Variants in GTF2IRD1 observed in about 807,000 individuals in gnomAD.
GTF2IRD1 encodes the protein general transcription factor II-I repeat domain-containing protein 1.
In GTF2IRD1, 26 loss-of-function variants were observed where a neutral mutation model predicts 113.2. The observed-to-expected ratio is 0.23, with a 90% confidence interval of 0.17 to 0.32. The LOEUF (loss-of-function observed/expected upper bound fraction) is 0.32. Ranked by LOEUF, GTF2IRD1 falls within the 10% of genes least tolerant of loss-of-function variation. The pLI, the probability that GTF2IRD1 is intolerant of heterozygous loss-of-function variation, is 1.00. For missense variants in GTF2IRD1, 864 were observed against 1,280.8 expected (o/e 0.67, Z 4.97); for synonymous variants, 484 against 529.1 (o/e 0.91, Z 1.17).
chr7:74,505,104 C>A (rs569595791), intron 1 of GTF2IRD1, among the ~76,000 whole-genome samples: 1 of 152,212 alleles, frequency 6.6e-6, no homozygotes, highest in Admixed American at 6.5e-5. Context: ...ACTACAGCCT[C>A]GAGCTCCTTG....
chr7:74,485,629 A>AG (rs1379510910), intron 1 of GTF2IRD1, among the ~76,000 whole-genome samples: 1 of 151,148 alleles, frequency 6.6e-6, no homozygotes. Context: ...AGAAAAAAAA[A>AG]AAATAGATGC....
chr7:74,492,164 C>T (rs989344925), intron 1 of GTF2IRD1, among the ~76,000 whole-genome samples: 21 of 150,710 alleles, frequency 1.4e-4, no homozygotes, highest in African/African-American at 3.4e-4. Flanking sequence ...CTACCATTCC[C>T]GGCTAATTTT....
intron 1 of GTF2IRD1, among the ~76,000 whole-genome samples, chr7:74,486,588 T>C (rs1795041078): frequency 6.6e-6 from 1 of 152,138 alleles, no homozygotes; most frequent in African/African-American, 2.4e-5. Context: ...GGATTTTGTG[T>C]TGTGGCCCCT....
chr7:74,480,479 G>A (rs1249725315), intron 1 of GTF2IRD1, among the ~76,000 whole-genome samples: 3 of 152,252 alleles, frequency 2.0e-5, no homozygotes, highest in African/African-American at 7.2e-5. Context: ...CCCTGCTGGA[G>A]AGTCCCCGCC....
chr7:74,470,578 G>T (rs1377360055), intron 1 of GTF2IRD1, among the ~76,000 whole-genome samples: 1 of 152,164 alleles, frequency 6.6e-6, no homozygotes, highest in Non-Finnish European at 1.5e-5. Flanking sequence ...ACCTAAAGAG[G>T]AATATGTATA....
chr7:74,521,732 A>G (rs1018014469), intron 7 of GTF2IRD1, among the ~76,000 whole-genome samples: 1 of 152,212 alleles, frequency 6.6e-6, no homozygotes, highest in Non-Finnish European at 1.5e-5. Flanking sequence ...ACTGCACTCC[A>G]GCCCGGGCAA....
chr7:74,573,056 GC>G (rs1174720203), intron 22 of GTF2IRD1, among the ~76,000 whole-genome samples: 4 of 151,972 alleles, frequency 2.6e-5, no homozygotes, highest in African/African-American at 4.8e-5. Flanking sequence ...ACACCATTCT[GC>G]CCCCCAACCT....
At position 74,508,135 on chromosome 7, in the gene GTF2IRD1, C is replaced by A; in HGVS notation, c.55C>A (p.Arg19Ser). Residue 19 changes from arginine (R) to serine (S), a missense_variant, in exon 2 of 27, where the codon CGC becomes AGC. Physicochemically the swap from Arg to Ser is moderately radical, Grantham distance 110 (BLOSUM62 -1). Transcript: ENST00000424337. The part of the protein sequence containing the change: ...DVPTNGCGPD[R>S]WNSAFTRKDE... ...CCCCACCAACGGCTGCGGACCCGAC[C>A]GCTGGAACTCCGCGTTCACCCGCAA... is the stretch of plus-strand genomic sequence containing the variant. 1 of 1,611,996 alleles carries A rather than the reference C, an allele frequency of 6.2e-7. No individual in the cohort carries two copies. The highest frequency in any genetic ancestry group is 8.5e-7 in the Non-Finnish European group (1 of 1,179,978).
At chr7:74,588,721 G>A (rs1428461409) in intron 22 of GTF2IRD1, among the ~76,000 whole-genome samples, 2 of 151,972 alleles carry the variant, frequency 1.3e-5, no homozygotes, top group African/African-American at 4.8e-5. Context: ...TAGTACAGAC[G>A]GGGTTTCACC....
chr7:74,502,887 C>T (rs1796103059), intron 1 of GTF2IRD1, among the ~76,000 whole-genome samples: 1 of 152,222 alleles, frequency 6.6e-6, no homozygotes, highest in Non-Finnish European at 1.5e-5. Flanking sequence ...GTGTCCAGGG[C>T]TGGGCGCGGT....
chr7:74,478,692 C>G (rs37617), intron 1 of GTF2IRD1, among the ~76,000 whole-genome samples: 125,207 of 151,696 alleles, frequency 0.83, 51,934 homozygotes, highest in African/African-American at 0.9. Flanking sequence ...CTGGCCTCAA[C>G]TGAACCACCC....
intron 1 of GTF2IRD1, among the ~76,000 whole-genome samples, chr7:74,504,712 T>A (rs1380031722): frequency 1.3e-5 from 2 of 149,424 alleles, no homozygotes; most frequent in African/African-American, 2.5e-5. Flanking sequence ...TTACTTTTTT[T>A]TTTTTTTTTT....
At chr7:74,561,723 G>A (rs1275705688) in intron 22 of GTF2IRD1, among the ~76,000 whole-genome samples, 1 of 152,162 alleles carries the variant, frequency 6.6e-6, no homozygotes, top group African/African-American at 2.4e-5. Context: ...CCCTGCACTG[G>A]TGCTTTATGC....
chr7:74,475,731 G>C (rs1361891353), intron 1 of GTF2IRD1, among the ~76,000 whole-genome samples: 2 of 152,212 alleles, frequency 1.3e-5, no homozygotes, highest in Non-Finnish European at 2.9e-5. Context: ...TTCAGAGAAA[G>C]GGCCGGATGT....
intron 11 of GTF2IRD1, 112 bp downstream of exon 11, chr7:74,536,387 G>A (rs1798300129): frequency 9.4e-6 from 6 of 637,544 alleles, no homozygotes; most frequent in East Asian, 2.8e-5. Flanking sequence ...ACCACCCCTC[G>A]AAGGTGCAAA....
intron 22 of GTF2IRD1, among the ~76,000 whole-genome samples, chr7:74,580,971 A>G (rs1221451080): frequency 6.6e-6 from 1 of 152,092 alleles, no homozygotes; most frequent in Non-Finnish European, 1.5e-5. Context: ...TCCTCCCGAG[A>G]ATAGGTTTGC....
chr7:74,536,583 G>A (rs375631078), intron 11 of GTF2IRD1, among the ~76,000 whole-genome samples: 11 of 152,104 alleles, frequency 7.2e-5, no homozygotes, highest in African/African-American at 2.2e-4. Flanking sequence ...CGAGGCGGGC[G>A]GATCTCTTGA....
intron 1 of GTF2IRD1, among the ~76,000 whole-genome samples, chr7:74,486,318 T>C (rs1795024153): frequency 6.6e-6 from 1 of 152,100 alleles, no homozygotes; most frequent in African/African-American, 2.4e-5. Context: ...ACAGGAGGCA[T>C]GGGTGGGTGG....
intron 19 of GTF2IRD1, among the ~76,000 whole-genome samples, chr7:74,557,358 G>A (rs1799663153): frequency 6.6e-6 from 1 of 152,176 alleles, no homozygotes; most frequent in Admixed American, 6.5e-5. Context: ...ACTCTATGGT[G>A]TCCCTCCCCT....
Sources: gnomAD v4.1 joint callset for allele counts (sites outside exome capture counted in the v4.1 genomes callset) on GRCh38, gnomAD v4.1.1 for gene constraint, MANE v1.5 for transcripts, NCBI Gene and HGNC (gene_info 2026-07-23, HGNC 2026-07-21) for gene names.